RNF150: variants seen among roughly 807,000 people sequenced by gnomAD.
RNF150 encodes the protein ring finger protein 150.
RNF150 carries 24 observed loss-of-function variants against 39.3 expected under a neutral mutation model. The ratio of observed to expected loss-of-function variants is 0.61; its 90% CI spans 0.44 to 0.86. The LOEUF is 0.86. RNF150 is among the 40% of genes least tolerant of loss of function. RNF150 has a pLI of 0.00. For synonymous variants in RNF150, 255 were observed against 227.3 expected (o/e 1.12, Z -1.10); for missense variants, 502 against 587.8 (o/e 0.85, Z 1.51).
At chr4:141,137,590 G>T (rs1047823207), upstream of RNF150, among the ~76,000 whole-genome samples, 2 of 152,142 alleles carry the variant, frequency 1.3e-5, no homozygotes, top group African/African-American at 4.8e-5. Context: ...AGTTGATTGG[G>T]GAAAGAATCG....
intron 4 of RNF150, among the ~76,000 whole-genome samples, chr4:140,939,229 G>GT (rs1252687046): frequency 6.6e-6 from 1 of 152,106 alleles, no homozygotes; most frequent in African/African-American, 2.4e-5. Context: ...CATTTATTCT[G>GT]TTTTTTATTT....
chr4:141,053,791 C>G (rs1736868658), intron 1 of RNF150: 3 of 879,306 alleles, frequency 3.4e-6, no homozygotes, highest in African/African-American at 1.7e-5. Flanking sequence ...TTCATTTCCT[C>G]TGCTAAAGCT....
chr4:141,119,064 T>C (rs1726526485), intron 1 of RNF150, among the ~76,000 whole-genome samples: 1 of 152,198 alleles, frequency 6.6e-6, no homozygotes, highest in African/African-American at 2.4e-5. Flanking sequence ...CCCAGCCATA[T>C]ACACACGAGA....
intron 1 of RNF150, among the ~76,000 whole-genome samples, chr4:141,012,437 T>C (rs1278229942): frequency 6.6e-6 from 1 of 152,232 alleles, no homozygotes; most frequent in Non-Finnish European, 1.5e-5. Flanking sequence ...TGTGTGTTTA[T>C]CAACTCAGCA....
chr4:140,993,347 C>G (rs894646355), intron 1 of RNF150, among the ~76,000 whole-genome samples: 5 of 152,140 alleles, frequency 3.3e-5, no homozygotes, highest in Non-Finnish European at 5.9e-5. Flanking sequence ...CTCATGCTTC[C>G]CTTTTATACG....
intron 6 of RNF150, among the ~76,000 whole-genome samples, chr4:140,886,407 A>G (rs987472974): frequency 2.6e-5 from 4 of 152,116 alleles, no homozygotes; most frequent in African/African-American, 9.7e-5. Flanking sequence ...GCATCCCACA[A>G]TGCTCCACTA....
chr4:140,890,401 C>A (rs1267162265), intron 6 of RNF150, among the ~76,000 whole-genome samples: 1 of 152,146 alleles, frequency 6.6e-6, no homozygotes, highest in Non-Finnish European at 1.5e-5. Context: ...ACTATTATAA[C>A]AATTTTTCCC....
At chr4:141,139,902 A>C (rs1443744858) in intron 1 of RNF150, among the ~76,000 whole-genome samples, 2 of 152,164 alleles carry the variant, frequency 1.3e-5, no homozygotes, top group Non-Finnish European at 2.9e-5. Flanking sequence ...TCAGATATTC[A>C]TCATCTTGTT....
chr4:140,917,274 C>T (rs6856531), intron 5 of RNF150, among the ~76,000 whole-genome samples: 83,826 of 151,864 alleles, frequency 0.55, 23,630 homozygotes, highest in East Asian at 0.89. Flanking sequence ...GACCCATCAG[C>T]GTGCTATATT....
At chr4:141,063,797 C>A (rs1737342397) in intron 1 of RNF150, among the ~76,000 whole-genome samples, 1 of 151,932 alleles carries the variant, frequency 6.6e-6, no homozygotes, top group Non-Finnish European at 1.5e-5. Flanking sequence ...CATGTGTGTG[C>A]CCGTATGTGT....
intron 1 of RNF150, among the ~76,000 whole-genome samples, chr4:140,977,007 AC>A (rs1733690405): frequency 1.3e-5 from 2 of 151,644 alleles, no homozygotes; most frequent in Non-Finnish European, 2.9e-5. Context: ...ACCCCCTCCC[AC>A]CCACATTCTA....
intron 1 of RNF150, among the ~76,000 whole-genome samples, chr4:141,098,404 G>A (rs34418039): frequency 0.056 from 8,591 of 152,328 alleles, 282 homozygotes; most frequent in Non-Finnish European, 0.088. Context: ...CCAAGACTCC[G>A]TAATGCAAAA....
intron 1 of RNF150, among the ~76,000 whole-genome samples, chr4:141,046,329 C>A (rs1276798284): frequency 1.3e-5 from 2 of 152,184 alleles, no homozygotes; most frequent in African/African-American, 4.8e-5. Context: ...AGACCGCATT[C>A]TTTTCTGTTA....
intron 1 of RNF150, among the ~76,000 whole-genome samples, chr4:141,020,230 T>G (rs1372653881): frequency 6.6e-6 from 1 of 152,166 alleles, no homozygotes; most frequent in Non-Finnish European, 1.5e-5. Flanking sequence ...GAATGTCTGG[T>G]CAGTGGAAAT....
chr4:141,186,201 A>G (rs1436434946), intron 1 of RNF150, among the ~76,000 whole-genome samples: 1 of 152,142 alleles, frequency 6.6e-6, no homozygotes, highest in Non-Finnish European at 1.5e-5. Flanking sequence ...TACTGCCTCA[A>G]TTTCAGAACT....
intron 1 of RNF150, among the ~76,000 whole-genome samples, chr4:141,076,428 A>G (rs1260066718): frequency 6.6e-6 from 1 of 152,150 alleles, no homozygotes; most frequent in African/African-American, 2.4e-5. Flanking sequence ...ATCAGGCCAC[A>G]GGTTCTGAAG....
Position 140,861,943 on chromosome 4 carries a change from A to G in RNF150, c.*6318T>C, listed in dbSNP as rs1728508174. 6.6e-6 allele frequency: 1 copy of G among 152,220 alleles called. No individual in the cohort carries two copies. The highest frequency in any genetic ancestry group is 1.5e-5 in the Non-Finnish European group (1 of 68,040). The allele number at this position is 152,220 out of a possible 1,614,324, so 9.4% of individuals were successfully genotyped here. On this transcript the variant is annotated 3_prime_UTR_variant, in exon 7 of 7. Transcript: ENST00000515673. ...TCAACAGTCTGCAACAGAAAACCCCATAAGGTTTAATGGTTTCATTCAACC... is the reference window on the plus strand; with the variant it reads ...TCAACAGTCTGCAACAGAAAACCCCGTAAGGTTTAATGGTTTCATTCAACC...
At chr4:140,874,978 T>A (rs1729094077) in intron 6 of RNF150, among the ~76,000 whole-genome samples, 1 of 152,202 alleles carries the variant, frequency 6.6e-6, no homozygotes, top group South Asian at 2.1e-4. Context: ...GCTAAGTTCT[T>A]TAAATAATTT....
intron 1 of RNF150, among the ~76,000 whole-genome samples, chr4:141,050,650 T>A (rs1253358734): frequency 1.3e-5 from 2 of 152,182 alleles, no homozygotes. Context: ...CTCCTTTGAC[T>A]CCATGTCTTA....
Sources: gnomAD v4.1 joint callset for allele counts (sites outside exome capture counted in the v4.1 genomes callset) on GRCh38, gnomAD v4.1.1 for gene constraint, MANE v1.5 for transcripts, NCBI Gene and HGNC (gene_info 2026-07-23, HGNC 2026-07-21) for gene names.